Variants in ADNP observed in about 807,000 individuals in gnomAD.
The protein encoded by ADNP is activity-dependent neuroprotector homeobox protein.
A neutral mutation model predicts 84.9 loss-of-function variants in ADNP; 4 were observed. That is an observed-to-expected ratio of 0.05 (90% CI 0.02 to 0.11). ADNP has a LOEUF of 0.11. Among genes scored for constraint, ADNP ranks in the 10% least tolerant of loss-of-function variants. ADNP has a pLI of 1.00. For synonymous variants in ADNP, 554 were observed against 468.1 expected (o/e 1.18, Z -2.37); for missense variants, 1,132 against 1,326.0 (o/e 0.85, Z 2.27).
At chr20:50,930,006 A>T (rs1476697514) in intron 1 of ADNP, among the ~76,000 whole-genome samples, 2 of 151,968 alleles carry the variant, frequency 1.3e-5, no homozygotes, top group Non-Finnish European at 2.9e-5. Flanking sequence ...GAAGAGAAGC[A>T]ATCGCGCCTT....
chr20:50,916,843 T>C (rs1306498196), intron 2 of ADNP, among the ~76,000 whole-genome samples: 1 of 152,092 alleles, frequency 6.6e-6, no homozygotes, highest in Non-Finnish European at 1.5e-5. Flanking sequence ...AAGCATTCTG[T>C]TTCTGAAATG....
intron 2 of ADNP, among the ~76,000 whole-genome samples, chr20:50,922,156 A>T (rs6126126): frequency 6.6e-6 from 1 of 152,102 alleles, no homozygotes; most frequent in African/African-American, 2.4e-5. Flanking sequence ...CACCACACAG[A>T]AGTCGTGAAG....
At chr20:50,901,681 G>A (rs887874827) in intron 5 of ADNP, among the ~76,000 whole-genome samples, 2 of 152,182 alleles carry the variant, frequency 1.3e-5, no homozygotes, top group African/African-American at 4.8e-5. Flanking sequence ...GAAGGGTCTT[G>A]TCTTTTTCTG....
At chr20:50,915,173 A>G (rs575411856) in intron 2 of ADNP, among the ~76,000 whole-genome samples, 1 of 152,272 alleles carries the variant, frequency 6.6e-6, no homozygotes, top group East Asian at 1.9e-4. Context: ...TCATTCTTGT[A>G]TTTGTGCATT....
intron 2 of ADNP, among the ~76,000 whole-genome samples, chr20:50,922,446 G>A (rs1370820320): frequency 2.0e-5 from 3 of 151,860 alleles, no homozygotes; most frequent in Non-Finnish European, 2.9e-5. Flanking sequence ...AAACACTTAT[G>A]TTTACCGGTT....
At chr20:50,923,671 C>T (rs899120863) in intron 2 of ADNP, among the ~76,000 whole-genome samples, 33 of 152,152 alleles carry the variant, frequency 2.2e-4, no homozygotes, top group Admixed American at 2.2e-3. Context: ...GTGAGTGCCA[C>T]CACACCAGGA....
At chr20:50,895,692 GCCA>G (rs1220024120) in intron 5 of ADNP, among the ~76,000 whole-genome samples, 4 of 152,278 alleles carry the variant, frequency 2.6e-5, no homozygotes, top group Non-Finnish European at 4.4e-5. Context: ...ACAGGTGTGT[GCCA>G]CCACACTAGG....
chr20:50,922,400 C>T (rs1984012147), intron 2 of ADNP, among the ~76,000 whole-genome samples: 1 of 152,110 alleles, frequency 6.6e-6, no homozygotes, highest in Non-Finnish European at 1.5e-5. Flanking sequence ...TCCTTGAGTT[C>T]TATTAATTTG....
intron 2 of ADNP, among the ~76,000 whole-genome samples, chr20:50,912,653 A>C (rs1264709144): frequency 1.3e-5 from 2 of 152,208 alleles, no homozygotes; most frequent in Non-Finnish European, 2.9e-5. Context: ...GAAATGTAGA[A>C]TCTGGGCCTA....
chr20:50,909,029 G>A (rs1199869838), intron 2 of ADNP, among the ~76,000 whole-genome samples: 1 of 151,132 alleles, frequency 6.6e-6, no homozygotes, highest in Non-Finnish European at 1.5e-5. Context: ...CATGCAGAAG[G>A]ATAGCTAATC....
intron 1 of ADNP, among the ~76,000 whole-genome samples, chr20:50,930,402 G>A (rs866445679): frequency 2.7e-5 from 4 of 148,868 alleles, no homozygotes; most frequent in Non-Finnish European, 4.5e-5. Context: ...AGACCTGGCA[G>A]AAGGCTGGTT....
intron 2 of ADNP, among the ~76,000 whole-genome samples, chr20:50,919,301 A>G (rs1392633052): frequency 7.3e-6 from 1 of 136,358 alleles, no homozygotes; most frequent in Non-Finnish European, 1.5e-5. Context: ...GTATATATAT[A>G]TATATATATA....
rs1483568023 is a variant in ADNP, at chr20:50,930,852, G to A, written c.-291C>T. On this transcript the variant is annotated 5_prime_UTR_variant, in exon 1 of 6. Coordinates refer to ENST00000621696, the MANE Select transcript of ADNP (RefSeq NM_001282531.3). Reference sequence around the variant, plus strand: ...TTGACTCGGCCTCGAGGCGCGCGCGGGGCCGGCGTGCTCGGGGGCCGGACA... The same window carrying A: ...TTGACTCGGCCTCGAGGCGCGCGCGAGGCCGGCGTGCTCGGGGGCCGGACA... 6.8e-5 allele frequency: 10 copies of A among 147,374 alleles called. No individual in the cohort carries two copies. The highest frequency in any genetic ancestry group is 2.2e-4 in the African/African-American group (9 of 40,844). The allele number at this position is 147,374 out of a possible 1,614,324, so 9.1% of individuals were successfully genotyped here.
chr20:50,901,500 ACAT>A (rs1325943915), intron 5 of ADNP, among the ~76,000 whole-genome samples: 2 of 152,178 alleles, frequency 1.3e-5, no homozygotes, highest in African/African-American at 2.4e-5. Flanking sequence ...CACCTATATG[ACAT>A]CATCATCATC....
chr20:50,919,602 G>A (rs949141111), intron 2 of ADNP, among the ~76,000 whole-genome samples: 3 of 152,092 alleles, frequency 2.0e-5, no homozygotes, highest in Non-Finnish European at 4.4e-5. Flanking sequence ...AGTAAAAGAG[G>A]CGATGTATCA....
At chr20:50,920,000 C>T (rs972943709) in intron 2 of ADNP, among the ~76,000 whole-genome samples, 31 of 152,144 alleles carry the variant, frequency 2.0e-4, no homozygotes, top group African/African-American at 7.0e-4. Context: ...TAATCCAGGC[C>T]GGGTGTGGTG....
chr20:50,892,031 G>C lies in ADNP; in HGVS notation c.2683C>G (p.Pro895Ala), dbSNP rs1475885834. The C allele has an allele frequency of 5.6e-6, 9 of 1,613,968 alleles. No individual in the cohort carries two copies. Among genetic ancestry groups the C allele is most frequent in the African/African-American group, 1.3e-5 (1 of 74,898 alleles). Residue 895 changes from proline to alanine, a missense_variant, in exon 6 of 6, where the codon CCT becomes GCT. Physicochemically the swap from Pro to Ala is conservative, Grantham distance 27. Coordinates refer to ENST00000621696, the MANE Select transcript of ADNP (RefSeq NM_001282531.3). ...ATTTTAGGTTCAACTTCAAAAACAG[G>C]GTCAAAAGGGCTACCACTTTCATTG... The part of the protein sequence containing the change: ...ESNESGSPFD[P>A]VFEVEPKISN...
chr20:50,919,841 A>G (rs1196472138), intron 2 of ADNP, among the ~76,000 whole-genome samples: 2 of 152,176 alleles, frequency 1.3e-5, no homozygotes, highest in South Asian at 2.1e-4. Context: ...AGTAACAAGG[A>G]ACGACATGAT....
rs1984702282 is a variant in ADNP, at chr20:50,930,932, G to A, written c.-371C>T. On this transcript the variant is annotated 5_prime_UTR_variant, in exon 1 of 6. Coordinates refer to ENST00000621696, the MANE Select transcript of ADNP (RefSeq NM_001282531.3). ...GCACGGCGGTGGCGGCAGCGGGGAGGGCGCGCCCGGGGCCTCGTCGCGCTC... is the reference window on the plus strand; with the variant it reads ...GCACGGCGGTGGCGGCAGCGGGGAGAGCGCGCCCGGGGCCTCGTCGCGCTC... 7.0e-6 allele frequency: 1 copy of A among 143,178 alleles called. No homozygotes were observed. The highest frequency in any genetic ancestry group is 1.6e-5 in the Non-Finnish European group (1 of 64,434). 8.9% of individuals were successfully genotyped at this position (143,178 alleles called of 1,614,324 possible).
Sources: allele counts gnomAD v4.1 joint callset (sites outside exome capture counted in the v4.1 genomes callset), GRCh38; gene constraint gnomAD v4.1.1; transcripts MANE v1.5; gene names NCBI Gene and HGNC (gene_info 2026-07-23, HGNC 2026-07-21).